Variants in SNX13 observed in about 807,000 individuals in gnomAD.
SNX13 encodes the protein sorting nexin 13.
Under a neutral mutation model 133.6 loss-of-function variants are expected in SNX13, and 45 were observed. The observed-to-expected ratio is 0.34, with a 90% CI of 0.27 to 0.43. The LOEUF is 0.43. Among genes scored for constraint, SNX13 ranks in the 20% least tolerant of loss-of-function variants. SNX13 has a pLI of 1.00. For synonymous variants in SNX13, 414 were observed against 373.9 expected (o/e 1.11, Z -1.24); for missense variants, 1,032 against 1,145.1 (o/e 0.90, Z 1.43).
At chr7:17,898,532 C>G (rs1217663366) in intron 1 of SNX13, among the ~76,000 whole-genome samples, 1 of 152,146 alleles carries the variant, frequency 6.6e-6, no homozygotes, top group African/African-American at 2.4e-5. Flanking sequence ...ATAAAACATA[C>G]CCCCATAAAT....
chr7:17,858,395 A>C (rs1182411835), intron 9 of SNX13, among the ~76,000 whole-genome samples: 2 of 151,984 alleles, frequency 1.3e-5, no homozygotes, highest in Non-Finnish European at 2.9e-5. Context: ...CATTTATAAC[A>C]GCATCAAAAA....
chr7:17,897,865 G>T (rs1461665324), intron 1 of SNX13: 3 of 152,118 alleles, frequency 2.0e-5, no homozygotes, highest in Non-Finnish European at 4.4e-5. Context: ...ATTTCATCTT[G>T]AAACTAGCTC....
chr7:17,825,895 G>T, intron 17 of SNX13, 127 bp downstream of exon 17: 1 of 591,578 alleles, frequency 1.7e-6, no homozygotes, highest in Non-Finnish European at 2.9e-6. Context: ...ACATGCTGCA[G>T]AAAAAAAGTA....
intron 13 of SNX13, among the ~76,000 whole-genome samples, chr7:17,839,031 GAATT>G (rs1297396647): frequency 3.3e-5 from 5 of 149,430 alleles, no homozygotes; most frequent in African/African-American, 7.3e-5. Flanking sequence ...TATTAGATTA[GAATT>G]ATTACAATAT....
chr7:17,821,359 C>T, intron 18 of SNX13, 150 bp downstream of exon 18: 1 of 678,116 alleles, frequency 1.5e-6, no homozygotes, highest in South Asian at 2.1e-5. Flanking sequence ...TGGTTAAATG[C>T]TCAGATTAAT....
rs1362874800 is a variant in SNX13 at position 17,839,822 on chromosome 7, C to T, written c.1344G>A (p.Gln448=). Residue 448 remains glutamine, a synonymous_variant, in exon 13 of 26, where the codon CAG becomes CAA. Transcript: ENST00000428135. ...ACAGCCTCACCTTTTCTGATAAATA[C>T]TGTTCATAAATTCCAACAGCAGCTG... The part of the protein sequence containing the change: ...LRAAAVGIYE[Q]YLSEKASPRV... 1 of 1,608,526 alleles carries T rather than the reference C, an allele frequency of 6.2e-7. No homozygotes were observed. The highest frequency in any genetic ancestry group is 1.3e-5 in the African/African-American group (1 of 74,590).
At chr7:17,912,228 G>C (rs968552531) in intron 1 of SNX13, among the ~76,000 whole-genome samples, 6 of 152,104 alleles carry the variant, frequency 3.9e-5, no homozygotes, top group African/African-American at 1.4e-4. Context: ...GTACATGAAA[G>C]GGACAGTCAG....
At chr7:17,933,896 A>G (rs766379474) in intron 1 of SNX13, among the ~76,000 whole-genome samples, 1 of 152,236 alleles carries the variant, frequency 6.6e-6, no homozygotes. Context: ...CTTCATAACA[A>G]TGTAAGAACA....
Position 17,834,069 on chromosome 7 carries a change from G to A in SNX13, c.1580C>T (p.Ser527Phe), listed in dbSNP as rs1232354761. 29 of 1,571,214 alleles carry A rather than the reference G, an allele frequency of 1.8e-5. No homozygotes were observed. The highest frequency in any genetic ancestry group is 2.3e-5 in the Non-Finnish European group (27 of 1,153,606). ...CACCTTACCTCCATCCCCATCATCG[G>A]ATCCTCTGAAACTAGGATCTTTTAA... is the stretch of plus-strand genomic sequence containing the variant. ...DMLKDPSFRG[S>F]DDGDGESFNG... is the part of the protein sequence containing the mutation. The change falls in exon 15 of 26, where the codon TCC (serine) becomes TTC (phenylalanine). Residue 527 changes from serine to phenylalanine, a missense_variant. Coordinates refer to ENST00000428135, the MANE Select transcript of SNX13 (RefSeq NM_015132.5).
chr7:17,801,132 A>C (rs1479700030), intron 22 of SNX13, among the ~76,000 whole-genome samples: 1 of 134,874 alleles, frequency 7.4e-6, no homozygotes, highest in Non-Finnish European at 1.6e-5. Flanking sequence ...GAATGTTCAT[A>C]GAAGTATTAT....
chr7:17,818,327 C>T (rs895053499), intron 18 of SNX13, among the ~76,000 whole-genome samples: 1 of 151,992 alleles, frequency 6.6e-6, no homozygotes, highest in Non-Finnish European at 1.5e-5. Context: ...ATTTCAGAAA[C>T]TTTAAAATAT....
At chr7:17,899,501 T>C (rs1797583704) in intron 1 of SNX13, 1 of 152,004 alleles carries the variant, frequency 6.6e-6, no homozygotes, top group Non-Finnish European at 1.5e-5. Flanking sequence ...CATTCCTTTT[T>C]ATTCTTTTTT....
chr7:17,937,113 A>G (rs1458553235), intron 1 of SNX13, among the ~76,000 whole-genome samples: 1 of 151,656 alleles, frequency 6.6e-6, no homozygotes, highest in East Asian at 1.9e-4. Context: ...TATGACTAGC[A>G]AGTTTTCTAA....
intron 20 of SNX13, among the ~76,000 whole-genome samples, chr7:17,807,687 G>T (rs1045844349): frequency 3.9e-5 from 6 of 152,152 alleles, no homozygotes; most frequent in African/African-American, 1.4e-4. Flanking sequence ...CCTCCCATCA[G>T]GGGTCGACAG....
At chr7:17,855,482 CT>C (rs1445058837) in intron 9 of SNX13, among the ~76,000 whole-genome samples, 1 of 152,142 alleles carries the variant, frequency 6.6e-6, no homozygotes, top group Non-Finnish European at 1.5e-5. Context: ...GAATGAGTAT[CT>C]TGTTAGAGGC....
chr7:17,838,703 T>C (rs146631429), intron 13 of SNX13, among the ~76,000 whole-genome samples: 301 of 152,030 alleles, frequency 2.0e-3, no homozygotes, highest in African/African-American at 6.9e-3. Context: ...TCATTTCTTG[T>C]TGACTCAGAG....
At chr7:17,910,501 C>A (rs543738955) in intron 1 of SNX13, among the ~76,000 whole-genome samples, 1 of 152,112 alleles carries the variant, frequency 6.6e-6, no homozygotes, top group East Asian at 1.9e-4. Flanking sequence ...GTAAAACAAT[C>A]GGCAGTTTCT....
rs1382774258 is a variant in SNX13, at chr7:17,791,627, CACT to C, written c.*2415_*2417del. The C allele has an allele frequency of 6.6e-6, 1 of 151,960 alleles. No individual in the cohort carries two copies. The highest frequency in any genetic ancestry group is 1.5e-5 in the Non-Finnish European group (1 of 67,908). The allele number at this position is 151,960 out of a possible 1,614,324, so 9.4% of individuals were successfully genotyped here. On this transcript the variant is annotated 3_prime_UTR_variant, in exon 26 of 26. Transcript: ENST00000428135. Reference sequence around the variant, plus strand: ...TTCGAAAGTTCTTGCCTAAAGGCACCACTGACTTAAAAAACATTCAAAATCAAA... The same window carrying C: ...TTCGAAAGTTCTTGCCTAAAGGCACCGACTTAAAAAACATTCAAAATCAAA...
At chr7:17,796,252 T>A (rs1784039686) in intron 25 of SNX13, 1 of 151,822 alleles carries the variant, frequency 6.6e-6, no homozygotes, top group Non-Finnish European at 1.5e-5. Flanking sequence ...GCAACCAAAA[T>A]CAGACCAACA....
Sources: allele counts gnomAD v4.1 joint callset (sites outside exome capture counted in the v4.1 genomes callset), GRCh38; gene constraint gnomAD v4.1.1; transcripts MANE v1.5; gene names NCBI Gene and HGNC (gene_info 2026-07-23, HGNC 2026-07-21).